The following TAS2R1 variants were observed in gnomAD, a reference collection of about 807,000 sequenced individuals.
The protein encoded by TAS2R1 is taste receptor type 2 member 1.
For missense variants in TAS2R1, 370 were observed against 353.4 expected, an observed-to-expected ratio of 1.05 and a Z score of -0.38; for synonymous variants, 141 against 134.2, an observed-to-expected ratio of 1.05 and a Z score of -0.35.
the TAS2R1 span, among the ~76,000 whole-genome samples, chr5:9,837,448 C>T: frequency 8.5e-5 from 13 of 152,320 alleles, no homozygotes; most frequent in East Asian, 1.9e-4. Flanking sequence ...GCTAATTGCT[C>T]GGAGCATGCC....
chr5:9,893,129 G>A, the TAS2R1 span, among the ~76,000 whole-genome samples: 3 of 152,040 alleles, frequency 2.0e-5, no homozygotes, highest in Non-Finnish European at 4.4e-5. Context: ...CCAGAGAGAA[G>A]GGCTCAGGGA....
intron 1 of TAS2R1, among the ~76,000 whole-genome samples, chr5:9,694,073 T>C (rs551494249): frequency 6.6e-6 from 1 of 152,334 alleles, no homozygotes; most frequent in East Asian, 1.9e-4. Context: ...TCTAGTGTTA[T>C]CACATGGAAA....
At chr5:9,899,635 TA>T in the TAS2R1 span, among the ~76,000 whole-genome samples, 3,166 of 137,326 alleles carry the variant, frequency 0.023, 35 homozygotes, top group South Asian at 0.045. Flanking sequence ...AGACTCTGTC[TA>T]AAAAAAAAAA....
At chr5:9,894,723 T>G in the TAS2R1 span, among the ~76,000 whole-genome samples, 1 of 152,348 alleles carries the variant, frequency 6.6e-6, no homozygotes, top group Non-Finnish European at 1.5e-5. Flanking sequence ...ATAAACAGAT[T>G]TATAGACATT....
At chr5:9,821,708 A>T in the TAS2R1 span, among the ~76,000 whole-genome samples, 517 of 152,370 alleles carry the variant, frequency 3.4e-3, 2 homozygotes, top group Non-Finnish European at 4.0e-3. Context: ...AACCACAGAC[A>T]CAAGCATTAA....
chr5:9,826,431 C>T, the TAS2R1 span, among the ~76,000 whole-genome samples: 2 of 152,068 alleles, frequency 1.3e-5, no homozygotes, highest in Admixed American at 6.5e-5. Flanking sequence ...GTTAAAACAA[C>T]GTAAAAAGAA....
the TAS2R1 span, among the ~76,000 whole-genome samples, chr5:9,732,615 G>T: frequency 6.6e-6 from 1 of 152,078 alleles, no homozygotes; most frequent in African/African-American, 2.4e-5. Context: ...AGGTGGAGAA[G>T]ACTATTGAAG....
At chr5:9,806,855 G>A in the TAS2R1 span, among the ~76,000 whole-genome samples, 1 of 152,084 alleles carries the variant, frequency 6.6e-6, no homozygotes, top group Admixed American at 6.5e-5. Flanking sequence ...AAGAGTTCAT[G>A]ATCAAGAACC....
intron 2 of TAS2R1, among the ~76,000 whole-genome samples, chr5:9,648,455 G>A (rs1740240117): frequency 6.6e-6 from 1 of 151,950 alleles, no homozygotes; most frequent in African/African-American, 2.4e-5. Context: ...AATGTCTTCT[G>A]TAAGGTTAGA....
the TAS2R1 span, among the ~76,000 whole-genome samples, chr5:9,786,234 A>T: frequency 8.6e-3 from 1,305 of 152,320 alleles, 18 homozygotes; most frequent in African/African-American, 0.03. Context: ...CTATTAAACT[A>T]GACAATGGCT....
the TAS2R1 span, among the ~76,000 whole-genome samples, chr5:9,744,568 TA>T: frequency 8.6e-5 from 13 of 152,046 alleles, no homozygotes; most frequent in African/African-American, 2.9e-4. Context: ...CAAACTTGTA[TA>T]TATAGTAAGG....
At chr5:9,636,012 T>A in intron 2 of TAS2R1, among the ~76,000 whole-genome samples, 1 of 152,116 alleles carries the variant, frequency 6.6e-6, no homozygotes. Flanking sequence ...CTCTAGTTCC[T>A]TGAGGTATGA....
the TAS2R1 span, among the ~76,000 whole-genome samples, chr5:9,884,619 A>C: frequency 2.0e-5 from 3 of 152,176 alleles, no homozygotes; most frequent in Non-Finnish European, 4.4e-5. Context: ...AGTTACTATT[A>C]TTTATTACTA....
At chr5:9,758,046 A>G in the TAS2R1 span, among the ~76,000 whole-genome samples, 35 of 152,294 alleles carry the variant, frequency 2.3e-4, no homozygotes, top group African/African-American at 8.4e-4. Flanking sequence ...CTAGATTCTT[A>G]AAAGTTTTCA....
chr5:9,820,683 T>A, the TAS2R1 span, among the ~76,000 whole-genome samples: 1 of 152,206 alleles, frequency 6.6e-6, no homozygotes, highest in East Asian at 1.9e-4. Flanking sequence ...CACAAAGAGC[T>A]TGATTTAGAT....
At chr5:9,825,757 C>T in the TAS2R1 span, among the ~76,000 whole-genome samples, 2 of 152,128 alleles carry the variant, frequency 1.3e-5, no homozygotes, top group Non-Finnish European at 2.9e-5. Flanking sequence ...GTAAAAATAA[C>T]AAAAATAGCT....
At position 9,673,178 on chromosome 5, in the gene TAS2R1, C is replaced by T. The variant is rs181882383; in HGVS notation, c.-241-13597G>A. 1.8e-4 allele frequency among the ~76,000 whole-genome samples: 28 copies of T among 152,222 alleles called. No homozygotes were observed. The East Asian group carries it at 5.2e-3, about 28-fold the overall frequency. ...TGGGAGGAGGGAGAGGATCAAAAAACTACCTAGTGGGTACTACTATTCTTA... is the reference window on the plus strand; with the variant it reads ...TGGGAGGAGGGAGAGGATCAAAAAATTACCTAGTGGGTACTACTATTCTTA... On this transcript the variant is annotated intron_variant, in intron 1 of 2. Coordinates refer to the TAS2R1 transcript ENST00000506620.
At chr5:9,769,650 T>C in the TAS2R1 span, among the ~76,000 whole-genome samples, 1 of 152,214 alleles carries the variant, frequency 6.6e-6, no homozygotes, top group African/African-American at 2.4e-5. Flanking sequence ...GATTTGCAGT[T>C]CTCTGATGGT....
chr5:9,663,308 A>T (rs1207666770), intron 1 of TAS2R1, among the ~76,000 whole-genome samples: 2 of 152,218 alleles, frequency 1.3e-5, no homozygotes, highest in African/African-American at 4.8e-5. Flanking sequence ...ATAAATTTTT[A>T]AAAACTGAAA....
Sources: gnomAD v4.1 joint callset for allele counts (sites outside exome capture counted in the v4.1 genomes callset) on GRCh38, gnomAD v4.1.1 for gene constraint, MANE v1.5 for transcripts, NCBI Gene and HGNC (gene_info 2026-07-23, HGNC 2026-07-21) for gene names.